MINPP1: variants seen among roughly 807,000 people sequenced by gnomAD.
MINPP1 encodes the protein multiple inositol-polyphosphate phosphatase 1.
A neutral mutation model predicts 46.1 loss-of-function variants in MINPP1; 28 were observed. That is an observed-to-expected ratio of 0.61 (90% CI 0.45 to 0.83). MINPP1 has a LOEUF of 0.83. MINPP1 is among the 40% of genes least tolerant of loss of function. MINPP1 has a pLI of 0.00. For synonymous variants in MINPP1, 268 were observed against 249.1 expected (o/e 1.08, Z -0.72); for missense variants, 603 against 610.0 (o/e 0.99, Z 0.12).
At chr10:87,518,718 T>G (rs1851450630) in intron 3 of MINPP1, among the ~76,000 whole-genome samples, 1 of 152,232 alleles carries the variant, frequency 6.6e-6, no homozygotes, top group Non-Finnish European at 1.5e-5. Context: ...CCATGACCTC[T>G]TCTTTGGGTT....
chr10:87,516,834 T>G (rs531153547), intron 3 of MINPP1, among the ~76,000 whole-genome samples: 1 of 152,102 alleles, frequency 6.6e-6, no homozygotes, highest in Admixed American at 6.5e-5. Flanking sequence ...TGCTTTCAAT[T>G]TTTTCTTTAT....
chr10:87,552,180 C>A lies in MINPP1; in HGVS notation c.1166C>A (p.Pro389His). The A allele has an allele frequency of 6.2e-7, 1 of 1,613,700 alleles. No individual in the cohort carries two copies. Among genetic ancestry groups the A allele is most frequent in the South Asian group, 1.1e-5 (1 of 91,074 alleles). ...SLMGYFKDKE[P>H]LTAYNYKKQM... ...ATGGGCTACTTCAAAGACAAGGAACCCCTAACAGCGTACAATTACAAAAAA... is the reference window on the plus strand; with the variant it reads ...ATGGGCTACTTCAAAGACAAGGAACACCTAACAGCGTACAATTACAAAAAA... The change falls in exon 5 of 5, where the codon CCC becomes CAC. Residue 389 changes from proline (P) to histidine (H), a missense_variant. By Grantham distance (77) the Pro-to-His change is moderately conservative. Coordinates refer to ENST00000371996, the MANE Select transcript of MINPP1 (RefSeq NM_004897.5).
Position 87,552,578 on chromosome 10 carries a change from A to G in MINPP1, c.*100A>G. ...CTTGATTACAGGAAGCTTTTATATT[A>G]CTTGAGTATTTCTGTCTTTTCACAG... On this transcript the variant is annotated 3_prime_UTR_variant, in exon 5 of 5. Coordinates refer to ENST00000371996, the MANE Select transcript of MINPP1 (RefSeq NM_004897.5). The G allele has an allele frequency of 8.5e-7, 1 of 1,180,058 alleles. No homozygotes were observed. The allele number at this position is 1,180,058 out of a possible 1,614,324, so 73.1% of individuals were successfully genotyped here. A position where few individuals can be genotyped will look rare whatever the true frequency, so the allele number is the denominator to read the frequency against.
chr10:87,541,567 G>A (rs1033540698), intron 4 of MINPP1, among the ~76,000 whole-genome samples: 7 of 152,142 alleles, frequency 4.6e-5, no homozygotes, highest in Non-Finnish European at 7.4e-5. Context: ...CAACTTCTGC[G>A]TTAGTCCATT....
chr10:87,521,474 T>G (rs1326355597), intron 4 of MINPP1, among the ~76,000 whole-genome samples: 1 of 152,230 alleles, frequency 6.6e-6, no homozygotes, highest in Non-Finnish European at 1.5e-5. Context: ...CTTTGGAATT[T>G]TGTATTGGTC....
At chr10:87,509,636 A>G in intron 2 of MINPP1, 1 of 228,230 alleles carries the variant, frequency 4.4e-6, no homozygotes, top group Non-Finnish European at 9.4e-6. Context: ...CTTTCTCACC[A>G]GTGGTAATTG....
chr10:87,507,282 C>T (rs1564670484), intron 1 of MINPP1, among the ~76,000 whole-genome samples: 1 of 152,152 alleles, frequency 6.6e-6, no homozygotes, highest in African/African-American at 2.4e-5. Flanking sequence ...AGAAACAGAA[C>T]AATGCCTTTG....
intron 4 of MINPP1, among the ~76,000 whole-genome samples, chr10:87,547,867 C>T (rs1851909835): frequency 6.6e-6 from 1 of 152,086 alleles, no homozygotes; most frequent in African/African-American, 2.4e-5. Context: ...CAAACACTAC[C>T]ATAGAGCCAT....
In MINPP1 at chr10:87,504,937, C is replaced by T. The variant is rs1231208594; in HGVS notation, c.22C>T (p.Leu8Phe). The change falls in exon 1 of 5, where the codon CTC becomes TTC. Residue 8 changes from leucine (L) to phenylalanine (F), a missense_variant. Physicochemically the swap from Leu to Phe is conservative, Grantham distance 22. Transcript: ENST00000371996. ...GACGATGCTACGCGCGCCCGGCTGC[C>T]TCCTCCGGACCTCCGTAGCGCCTGC... MLRAPGC[L>F]LRTSVAPAAA... 6.2e-7 allele frequency: 1 copy of T among 1,611,376 alleles called. No homozygotes were observed. The highest frequency in any genetic ancestry group is 2.2e-5 in the East Asian group (1 of 44,850).
rs1467241135 is a variant in MINPP1 at position 87,505,116 on chromosome 10, G to A, written c.201G>A (p.Pro67=). The change falls in exon 1 of 5, where the codon CCG becomes CCA. Residue 67 remains proline (P), a synonymous_variant. Coordinates refer to ENST00000371996, the MANE Select transcript of MINPP1 (RefSeq NM_004897.5). The surrounding 1 kb of genome is among the most constrained non-coding windows in gnomAD (Gnocchi z 4.4). ...NPVLLSGPEA[P]WRDPELLEGT... ...TGCTATTGTCGGGCCCCGAGGCTCC[G>A]TGGCGGGACCCTGAGCTGCTGGAGG... 1.2e-6 allele frequency: 2 copies of A among 1,612,960 alleles called. No individual in the cohort carries two copies. The highest frequency in any genetic ancestry group is 1.7e-6 in the Non-Finnish European group (2 of 1,179,740).
At chr10:87,540,472 CTCTG>C (rs1851798146) in intron 4 of MINPP1, among the ~76,000 whole-genome samples, 1 of 137,404 alleles carries the variant, frequency 7.3e-6, no homozygotes, top group South Asian at 2.4e-4. Flanking sequence ...CTCTCTCTGT[CTCTG>C]TCTCTGTCTC....
Position 87,552,590 on chromosome 10 carries a change from C to G in MINPP1, c.*112C>G. ...AAGCTTTTATATTACTTGAGTATTT[C>G]TGTCTTTTCACAGAAAAACATTGGG... On this transcript the variant is annotated 3_prime_UTR_variant, in exon 5 of 5. Transcript: ENST00000371996. 1 of 1,104,700 alleles carries G rather than the reference C, an allele frequency of 9.1e-7. No individual in the cohort carries two copies. Among genetic ancestry groups the G allele is most frequent in the Non-Finnish European group, 1.3e-6 (1 of 754,132 alleles). The allele number at this position is 1,104,700 out of a possible 1,614,324, so 68.4% of individuals were successfully genotyped here.
At chr10:87,517,186 C>G (rs1851423421) in intron 3 of MINPP1, among the ~76,000 whole-genome samples, 1 of 152,096 alleles carries the variant, frequency 6.6e-6, no homozygotes, top group Non-Finnish European at 1.5e-5. Context: ...AAAAAAGCTT[C>G]CCATTTATAG....
At chr10:87,549,119 T>A (rs990793133) in intron 4 of MINPP1, among the ~76,000 whole-genome samples, 2 of 152,206 alleles carry the variant, frequency 1.3e-5, no homozygotes, top group Non-Finnish European at 2.9e-5. Flanking sequence ...AAGAATTCAC[T>A]GATTTTAACA....
intron 4 of MINPP1, among the ~76,000 whole-genome samples, chr10:87,545,988 A>G (rs1851881397): frequency 1.3e-5 from 2 of 152,210 alleles, no homozygotes; most frequent in Non-Finnish European, 2.9e-5. Context: ...CCCGGAGGCC[A>G]CATGGTTCTT....
In MINPP1 at chr10:87,515,215, C is replaced by T. The variant is rs182709088; in HGVS notation, c.933+1994C>T. On this transcript the variant is annotated intron_variant, in intron 3 of 4. Coordinates refer to ENST00000371996, the MANE Select transcript of MINPP1 (RefSeq NM_004897.5). ...CAGCCTGGCCAATGTGGTGAAACCC[C>T]GTCCATACTAAAAATTAAAAAATTA... 1.1e-4 allele frequency among the ~76,000 whole-genome samples: 16 copies of T among 151,738 alleles called. No individual in the cohort carries two copies. The East Asian group carries it at 2.2e-3, about 21-fold the overall frequency.
intron 4 of MINPP1, among the ~76,000 whole-genome samples, chr10:87,533,723 G>T (rs1011785457): frequency 1.7e-4 from 26 of 151,418 alleles, no homozygotes; most frequent in African/African-American, 6.1e-4. Context: ...CTACCTTTTT[G>T]TTGGGTTTCA....
intron 1 of MINPP1, among the ~76,000 whole-genome samples, chr10:87,506,938 C>G (rs1274598193): frequency 6.6e-6 from 1 of 151,938 alleles, no homozygotes; most frequent in Non-Finnish European, 1.5e-5. Flanking sequence ...ATACTTTTTC[C>G]ATTAGCATGA....
chr10:87,527,377 TG>T (rs1220101528), intron 4 of MINPP1, among the ~76,000 whole-genome samples: 2 of 152,210 alleles, frequency 1.3e-5, no homozygotes, highest in African/African-American at 4.8e-5. Context: ...TTCCAGTTTT[TG>T]CCCATTCAGT....
Sources: gnomAD v4.1 joint callset for allele counts (sites outside exome capture counted in the v4.1 genomes callset) on GRCh38, gnomAD v4.1.1 for gene constraint, Gnocchi (gnomAD v3.1) non-coding constraint, MANE v1.5 for transcripts, NCBI Gene and HGNC (gene_info 2026-07-23, HGNC 2026-07-21) for gene names.